Variants in PTPRN2 observed in about 807,000 individuals in gnomAD.
The protein encoded by PTPRN2 is protein tyrosine phosphatase receptor type N2, also known as receptor-type tyrosine-protein phosphatase N2.
In PTPRN2, 74 loss-of-function variants were observed where a neutral mutation model predicts 118.8. The observed-to-expected ratio is 0.62, with a 90% confidence interval of 0.52 to 0.76. The LOEUF (loss-of-function observed/expected upper bound fraction) is 0.76, where lower values mean the gene tolerates loss of function less well. PTPRN2 is among the 30% of genes least tolerant of loss of function. PTPRN2 has a pLI of 0.00. For missense variants in PTPRN2, 1,481 were observed against 1,394.4 expected (o/e 1.06, Z -0.99); for synonymous variants, 641 against 608.0 (o/e 1.05, Z -0.80).
At chr7:158,125,619 C>T (rs184357346) in intron 9 of PTPRN2, among the ~76,000 whole-genome samples, 6 of 152,294 alleles carry the variant, frequency 3.9e-5, no homozygotes, top group Admixed American at 3.9e-4. Context: ...ATCCATCATG[C>T]TACAGATATT....
At chr7:157,939,910 C>T (rs1013522863) in intron 11 of PTPRN2, among the ~76,000 whole-genome samples, 2 of 152,180 alleles carry the variant, frequency 1.3e-5, no homozygotes, top group African/African-American at 4.8e-5. Flanking sequence ...GGCAATGCTT[C>T]CTGAATGAAC....
intron 3 of PTPRN2, among the ~76,000 whole-genome samples, chr7:158,249,905 G>A (rs1796551653): frequency 6.6e-6 from 1 of 152,190 alleles, no homozygotes; most frequent in Non-Finnish European, 1.5e-5. Context: ...GACCCGTGCA[G>A]TGTCATTGTG....
At chr7:157,756,216 G>T (rs1490148545) in intron 12 of PTPRN2, among the ~76,000 whole-genome samples, 1 of 152,208 alleles carries the variant, frequency 6.6e-6, no homozygotes, top group Non-Finnish European at 1.5e-5. Flanking sequence ...TTCCATGAAT[G>T]AGTGAATAAT....
At chr7:158,560,194 C>G (rs1827289505) in intron 1 of PTPRN2, among the ~76,000 whole-genome samples, 1 of 152,230 alleles carries the variant, frequency 6.6e-6, no homozygotes, top group South Asian at 2.1e-4. Flanking sequence ...GATGGATGGA[C>G]CACATCTTGC....
chr7:157,745,095 A>G (rs1432175800), intron 12 of PTPRN2, among the ~76,000 whole-genome samples: 4 of 152,158 alleles, frequency 2.6e-5, no homozygotes, highest in Admixed American at 2.6e-4. Context: ...CTCCCCTTGC[A>G]CGGAGCTAAG....
rs954140242 is a variant in PTPRN2 at position 158,546,880 on chromosome 7, C to T, written c.112+40678G>A. 6.6e-6 allele frequency among the ~76,000 whole-genome samples: 1 copy of T among 152,238 alleles called. No individual in the cohort carries two copies. Among genetic ancestry groups the T allele is most frequent in the Non-Finnish European group, 1.5e-5 (1 of 68,042 alleles). On this transcript the variant is annotated intron_variant, in intron 1 of 22. Transcript: ENST00000389418. The surrounding 1 kb of genome is among the most constrained non-coding windows in gnomAD (Gnocchi z 5.0). ...TGGTTAACGCTGGGGCTGCCTTCAT[C>T]TCACGCATGCTGGGCAGCCTGGGCA...
chr7:158,429,899 T>TTTTTC (rs964823484), intron 2 of PTPRN2, among the ~76,000 whole-genome samples: 1 of 150,090 alleles, frequency 6.7e-6, no homozygotes, highest in Non-Finnish European at 1.5e-5. Flanking sequence ...TAAACTGTTC[T>TTTTTC]TTTTCTTTTC....
At chr7:158,100,355 T>C (rs1464197581) in intron 10 of PTPRN2, among the ~76,000 whole-genome samples, 1 of 152,140 alleles carries the variant, frequency 6.6e-6, no homozygotes, top group East Asian at 1.9e-4. Context: ...CAAATTGTGC[T>C]GCTATAAACG....
intron 12 of PTPRN2, among the ~76,000 whole-genome samples, chr7:157,876,600 G>A (rs369492805): frequency 2.6e-5 from 4 of 152,302 alleles, no homozygotes; most frequent in African/African-American, 7.2e-5. Flanking sequence ...GGCAGACGGC[G>A]GCAATCAGCA....
chr7:158,153,863 C>G (rs935632446), intron 6 of PTPRN2, among the ~76,000 whole-genome samples: 1 of 142,980 alleles, frequency 7.0e-6, no homozygotes, highest in Non-Finnish European at 1.5e-5. Flanking sequence ...AGAGAGCAGC[C>G]GGCTGGTGGG....
chr7:158,137,145 G>A (rs1338218488), intron 7 of PTPRN2, among the ~76,000 whole-genome samples: 14 of 152,164 alleles, frequency 9.2e-5, no homozygotes, highest in South Asian at 4.1e-4. Flanking sequence ...CCGGCTGGGC[G>A]CGGTGGCTCA....
rs550596051 is a variant in PTPRN2, at chr7:158,304,261, A to T, written c.277+12558T>A. Among the ~76,000 whole-genome samples the T allele has an allele frequency of 4.0e-5, 6 of 150,220 alleles. No individual in the cohort carries two copies. The East Asian group carries it at 1.2e-3, about 29-fold the overall frequency. On this transcript the variant is annotated intron_variant, in intron 3 of 22. Coordinates refer to ENST00000389418, the MANE Select transcript of PTPRN2 (RefSeq NM_002847.5). ...TTTCTACATGCTAGGGAGGCATAAAACACCCGTCAATACACTAAGATGTAC... is the reference window on the plus strand; with the variant it reads ...TTTCTACATGCTAGGGAGGCATAAATCACCCGTCAATACACTAAGATGTAC...
chr7:158,333,940 T>TGACAC (rs1563158913), intron 2 of PTPRN2, among the ~76,000 whole-genome samples: 34 of 72,286 alleles, frequency 4.7e-4, no homozygotes, highest in Admixed American at 6.5e-4. Flanking sequence ...CCATAAGAGC[T>TGACAC]GTCGCCCGCA....
At chr7:158,021,122 T>C (rs150322786) in intron 11 of PTPRN2, among the ~76,000 whole-genome samples, 22 of 152,352 alleles carry the variant, frequency 1.4e-4, no homozygotes, top group African/African-American at 4.6e-4. Context: ...TCCACTTTTC[T>C]CACAAACAAA....
intron 12 of PTPRN2, among the ~76,000 whole-genome samples, chr7:157,701,867 A>T (rs941782725): frequency 2.0e-5 from 3 of 147,524 alleles, no homozygotes; most frequent in Non-Finnish European, 4.5e-5. Context: ...GGTGTAACTG[A>T]CACGGGCTGT....
At chr7:158,302,175 C>T (rs1259608106) in intron 3 of PTPRN2, among the ~76,000 whole-genome samples, 1 of 152,194 alleles carries the variant, frequency 6.6e-6, no homozygotes, top group Non-Finnish European at 1.5e-5. Context: ...CTGTGACAGC[C>T]ACACTGCTGC....
rs566428505 is a variant in PTPRN2, at chr7:157,951,193, A to T, written c.1724-52456T>A. On this transcript the variant is annotated intron_variant, in intron 11 of 22. Coordinates refer to ENST00000389418, the MANE Select transcript of PTPRN2 (RefSeq NM_002847.5). ...AAGGATGAAACGCATATGAATATCC[A>T]CTCTAATACGGTTCAGAGAAGGATG... Among the ~76,000 whole-genome samples, 8 of 152,040 alleles carry T rather than the reference A, an allele frequency of 5.3e-5. No individual in the cohort carries two copies. The East Asian group carries it at 1.6e-3, about 29-fold the overall frequency.
chr7:158,556,190 G>T (rs1446832601), intron 1 of PTPRN2, among the ~76,000 whole-genome samples: 1 of 152,236 alleles, frequency 6.6e-6, no homozygotes, highest in Non-Finnish European at 1.5e-5. Context: ...GGATATAGAT[G>T]ATGGATAGGT....
At chr7:158,235,331 A>G (rs1390902948) in intron 3 of PTPRN2, among the ~76,000 whole-genome samples, 2 of 152,204 alleles carry the variant, frequency 1.3e-5, no homozygotes, top group Admixed American at 1.3e-4. Context: ...TAGCAAAAAT[A>G]TGGAGTCGAC....
Sources: allele counts gnomAD v4.1 joint callset (sites outside exome capture counted in the v4.1 genomes callset), GRCh38; gene constraint gnomAD v4.1.1; non-coding constraint Gnocchi (gnomAD v3.1); transcripts MANE v1.5; gene names NCBI Gene and HGNC (gene_info 2026-07-23, HGNC 2026-07-21).